The following FREM3 variants were observed in gnomAD, a reference collection of about 807,000 sequenced individuals.
FREM3 encodes the protein FRAS1 related extracellular matrix 3.
Under a neutral mutation model 129.1 loss-of-function variants are expected in FREM3, and 105 were observed. The observed-to-expected ratio is 0.81, with a 90% CI of 0.69 to 0.96. The LOEUF is 0.96. Ranked by LOEUF, FREM3 falls within the 40% of genes least tolerant of loss-of-function variation. FREM3 has a pLI of 0.00. For missense variants in FREM3, 2,593 were observed against 2,666.3 expected (o/e 0.97, Z 0.61); for synonymous variants, 1,014 against 1,044.9 (o/e 0.97, Z 0.57).
At chr4:143,688,175 C>A (rs1355701459) in intron 2 of FREM3, among the ~76,000 whole-genome samples, 4 of 152,278 alleles carry the variant, frequency 2.6e-5, no homozygotes, top group African/African-American at 9.6e-5. Flanking sequence ...TTTACGGATA[C>A]AAGAGTAAAG....
At chr4:143,667,930 C>G (rs1342568052) in intron 2 of FREM3, among the ~76,000 whole-genome samples, 4 of 152,050 alleles carry the variant, frequency 2.6e-5, no homozygotes, top group Non-Finnish European at 4.4e-5. Flanking sequence ...AGAATTTGTA[C>G]TTATAAAAAT....
At chr4:143,678,396 TG>T (rs1740187568) in intron 2 of FREM3, among the ~76,000 whole-genome samples, 1 of 150,274 alleles carries the variant, frequency 6.7e-6, no homozygotes, top group East Asian at 2.0e-4. Flanking sequence ...TGTTGTTGGT[TG>T]GGGGGATGGG....
chr4:143,671,001 G>T (rs2149855711), intron 2 of FREM3, among the ~76,000 whole-genome samples: 1 of 152,132 alleles, frequency 6.6e-6, no homozygotes, highest in Admixed American at 6.5e-5. Flanking sequence ...AAAGCTATTT[G>T]TTCTGGCTCA....
Position 143,698,879 on chromosome 4 carries a change from C to T in FREM3, c.1797G>A (p.Leu599=). 6.5e-7 allele frequency: 1 copy of T among 1,537,542 alleles called. No homozygotes were observed. Among genetic ancestry groups the T allele is most frequent in the Admixed American group, 2.0e-5 (1 of 51,002 alleles). The change falls in exon 1 of 8, where the codon TTG becomes TTA. Residue 599 remains leucine, a synonymous_variant. Transcript: ENST00000329798. The part of the protein sequence containing the change: ...KGNEEEPQWE[L]APGSSHSGHY... ...GGCCTGAGTGGGAGGAACCAGGGGCCAACTCCCACTGAGGCTCTTCCTCAT... is the reference window on the plus strand; with the variant it reads ...GGCCTGAGTGGGAGGAACCAGGGGCTAACTCCCACTGAGGCTCTTCCTCAT...
intron 2 of FREM3, among the ~76,000 whole-genome samples, chr4:143,675,145 G>A (rs906928728): frequency 2.3e-4 from 35 of 152,258 alleles, no homozygotes; most frequent in African/African-American, 7.2e-4. Flanking sequence ...TGGAAGTAAA[G>A]CACTCCTCAG....
At position 143,695,473 on chromosome 4, in the gene FREM3, G is replaced by A. The variant is rs1740547177; in HGVS notation, c.5185+18C>T. On this transcript the variant is annotated intron_variant, in intron 1 of 7. Coordinates refer to ENST00000329798, the MANE Select transcript of FREM3 (RefSeq NM_001168235.2). ...TGAAGGAGAGGGACAGAATAGGCAGGGAAGAATACATACTAACCTTGTGTA... is the reference window on the plus strand; with the variant it reads ...TGAAGGAGAGGGACAGAATAGGCAGAGAAGAATACATACTAACCTTGTGTA... 5.3e-6 allele frequency: 8 copies of A among 1,521,480 alleles called. 1 individual carries two copies. Among genetic ancestry groups the A allele is most frequent in the South Asian group, 2.4e-5 (2 of 81,778 alleles). The allele number at this position is 1,521,480 out of a possible 1,614,324, so 94.2% of individuals were successfully genotyped here. A position where few individuals can be genotyped will look rare whatever the true frequency, so the allele number is the denominator to read the frequency against.
intron 6 of FREM3, among the ~76,000 whole-genome samples, chr4:143,593,994 A>G (rs1738417400): frequency 6.6e-6 from 1 of 152,144 alleles, no homozygotes. Context: ...GCTAGCAATG[A>G]GCGAGGCTCT....
At chr4:143,666,426 T>C (rs1739861464) in intron 2 of FREM3, among the ~76,000 whole-genome samples, 1 of 152,134 alleles carries the variant, frequency 6.6e-6, no homozygotes. Context: ...CAAAGATACT[T>C]GTATGCCAGT....
At chr4:143,593,531 C>T (rs548366462) in intron 6 of FREM3, among the ~76,000 whole-genome samples, 24 of 152,298 alleles carry the variant, frequency 1.6e-4, no homozygotes, top group African/African-American at 3.4e-4. Context: ...GTATCAGCAG[C>T]GGTGGCTGAA....
chr4:143,627,863 A>G, intron 2 of FREM3, 103 bp from the exon 3 acceptor site: 2 of 722,680 alleles, frequency 2.8e-6, no homozygotes, highest in Non-Finnish European at 4.4e-6. Flanking sequence ...GTTTCAAAAC[A>G]TACTCGTTTT....
chr4:143,664,275 C>T (rs568943898), intron 2 of FREM3, among the ~76,000 whole-genome samples: 1 of 152,118 alleles, frequency 6.6e-6, no homozygotes, highest in East Asian at 1.9e-4. Flanking sequence ...TGTGGATGTC[C>T]TTTCTGTTTG....
rs1445261847 is a variant in FREM3 at position 143,697,654 on chromosome 4, T to C, written c.3022A>G (p.Thr1008Ala). ...CTCCCATTGATGAGATCCTCTTGGG[T>C]GAATCGTTCTGTGGGCAAACCATTT... ...LVNGLPTERF[T>A]QEDLINGRVA... Residue 1008 changes from threonine (T) to alanine (A), a missense_variant, in exon 1 of 8, where the codon ACC (threonine) becomes GCC (alanine). Physicochemically the swap from Thr to Ala is moderately conservative, Grantham distance 58. This residue lies in a region of FREM3 where 2,276 missense variants were observed against 2,267.2 expected (regional missense o/e 1.00). Coordinates refer to ENST00000329798, the MANE Select transcript of FREM3 (RefSeq NM_001168235.2). 1 of 1,537,798 alleles carries C rather than the reference T, an allele frequency of 6.5e-7. No individual in the cohort carries two copies. The highest frequency in any genetic ancestry group is 2.0e-5 in the Admixed American group (1 of 51,000).
intron 2 of FREM3, among the ~76,000 whole-genome samples, chr4:143,656,636 G>C (rs1422611134): frequency 6.6e-6 from 1 of 152,126 alleles, no homozygotes; most frequent in Non-Finnish European, 1.5e-5. Context: ...GTAGATTAGT[G>C]GTTGCTAAGG....
chr4:143,640,406 G>C (rs1739303123), intron 2 of FREM3, among the ~76,000 whole-genome samples: 1 of 152,228 alleles, frequency 6.6e-6, no homozygotes, highest in Non-Finnish European at 1.5e-5. Context: ...TGTATAGTTT[G>C]TAAATGTATT....
intron 2 of FREM3, among the ~76,000 whole-genome samples, chr4:143,643,028 A>G (rs758365157): frequency 6.6e-6 from 1 of 152,196 alleles, no homozygotes; most frequent in Non-Finnish European, 1.5e-5. Flanking sequence ...GTTTAATATC[A>G]CTAATTATCA....
intron 5 of FREM3, among the ~76,000 whole-genome samples, chr4:143,612,919 A>G (rs1738786526): frequency 6.6e-6 from 1 of 152,216 alleles, no homozygotes; most frequent in African/African-American, 2.4e-5. Flanking sequence ...TGGATGCTCC[A>G]GTCTTGTAAG....
At chr4:143,616,347 TC>T (rs1738844417) in intron 5 of FREM3, among the ~76,000 whole-genome samples, 1 of 151,728 alleles carries the variant, frequency 6.6e-6, no homozygotes, top group Non-Finnish European at 1.5e-5. Flanking sequence ...AAAACTATAA[TC>T]CCCCCAAACC....
chr4:143,598,998 G>A (rs950768481), intron 6 of FREM3, among the ~76,000 whole-genome samples: 2 of 152,152 alleles, frequency 1.3e-5, no homozygotes, highest in Non-Finnish European at 2.9e-5. Flanking sequence ...CATGACTGTA[G>A]CTGGTTTTGT....
chr4:143,586,550 C>A (rs1738247432), intron 6 of FREM3, among the ~76,000 whole-genome samples: 1 of 152,012 alleles, frequency 6.6e-6, no homozygotes. Flanking sequence ...AAGCGCTTCC[C>A]CAGGAGACCA....
Sources: allele counts gnomAD v4.1 joint callset (sites outside exome capture counted in the v4.1 genomes callset), GRCh38; gene constraint gnomAD v4.1.1; regional missense constraint gnomAD v4.1.1; transcripts MANE v1.5; gene names NCBI Gene and HGNC (gene_info 2026-07-23, HGNC 2026-07-21).